FAM13A: variants seen among roughly 807,000 people sequenced by gnomAD.
FAM13A encodes family with sequence similarity 13 member A, also known as protein FAM13A.
In FAM13A, 76 loss-of-function variants were observed where a neutral mutation model predicts 129.6. The ratio of observed to expected loss-of-function variants is 0.59; its 90% CI spans 0.49 to 0.71. The LOEUF (loss-of-function observed/expected upper bound fraction) is 0.71, where lower values mean the gene tolerates loss of function less well. FAM13A is among the 30% of genes least tolerant of loss of function. The pLI is 0.00. For missense variants in FAM13A, 1,108 were observed against 1,249.3 expected (o/e 0.89, Z 1.70); for synonymous variants, 443 against 449.9 (o/e 0.98, Z 0.20).
intron 19 of FAM13A, among the ~76,000 whole-genome samples, chr4:88,741,731 T>C (rs1740306322): frequency 1.3e-5 from 2 of 152,218 alleles, no homozygotes; most frequent in African/African-American, 4.8e-5. Context: ...TTGGAACATT[T>C]TGAATTTCAG....
intron 11 of FAM13A, among the ~76,000 whole-genome samples, chr4:88,780,736 G>T (rs961740294): frequency 6.6e-6 from 1 of 152,018 alleles, no homozygotes; most frequent in Non-Finnish European, 1.5e-5. Flanking sequence ...AACATGAAGA[G>T]ATTTCTGAAC....
At chr4:88,747,188 C>T (rs1741526119) in intron 18 of FAM13A, among the ~76,000 whole-genome samples, 173 bp from the exon 19 acceptor site, 1 of 152,160 alleles carries the variant, frequency 6.6e-6, no homozygotes, top group Non-Finnish European at 1.5e-5. Flanking sequence ...TTGGGAGAAA[C>T]GTGGCCAGCA....
intron 7 of FAM13A, among the ~76,000 whole-genome samples, chr4:88,849,454 T>G (rs1388655902): frequency 6.6e-6 from 1 of 152,240 alleles, no homozygotes; most frequent in Non-Finnish European, 1.5e-5. Context: ...TCGGTTCTTT[T>G]GCATTTGCTA....
At chr4:88,929,655 T>A (rs1579329826) in intron 5 of FAM13A, among the ~76,000 whole-genome samples, 1 of 152,184 alleles carries the variant, frequency 6.6e-6, no homozygotes, top group Admixed American at 6.5e-5. Context: ...AGATTCTTTC[T>A]CCTACTTGGT....
intron 11 of FAM13A, among the ~76,000 whole-genome samples, chr4:88,771,255 A>C (rs1253179425): frequency 2.6e-5 from 4 of 151,644 alleles, no homozygotes; most frequent in Non-Finnish European, 5.9e-5. Context: ...TGTAAATTCT[A>C]ATTTGTATTC....
intron 6 of FAM13A, among the ~76,000 whole-genome samples, chr4:88,902,499 A>G (rs941367954): frequency 6.8e-6 from 1 of 147,932 alleles, no homozygotes; most frequent in Non-Finnish European, 1.5e-5. Flanking sequence ...AGTACTAAAG[A>G]AAAAAAAAAC....
At chr4:88,900,126 G>A (rs562714322) in intron 6 of FAM13A, among the ~76,000 whole-genome samples, 96 of 152,152 alleles carry the variant, frequency 6.3e-4, no homozygotes, top group Non-Finnish European at 1.1e-3. Flanking sequence ...GAGATGCATG[G>A]GATTATGTAA....
At chr4:88,758,417 C>T (rs933857541) in intron 14 of FAM13A, among the ~76,000 whole-genome samples, 1 of 151,848 alleles carries the variant, frequency 6.6e-6, no homozygotes, top group African/African-American at 2.4e-5. Flanking sequence ...CCTAAAAGCA[C>T]ACCGGTTCCC....
intron 4 of FAM13A, among the ~76,000 whole-genome samples, chr4:88,969,364 G>C (rs1759768206): frequency 6.6e-6 from 1 of 152,278 alleles, no homozygotes; most frequent in South Asian, 2.1e-4. Context: ...GCCAATACAG[G>C]ATGAAGAGCT....
At chr4:89,044,337 G>A (rs1770559284) in intron 1 of FAM13A, among the ~76,000 whole-genome samples, 1 of 152,128 alleles carries the variant, frequency 6.6e-6, no homozygotes. Flanking sequence ...CAACATCACT[G>A]GTCTTTAGGG....
At chr4:88,855,059 GA>G (rs1561172144) in intron 6 of FAM13A, among the ~76,000 whole-genome samples, 1 of 152,114 alleles carries the variant, frequency 6.6e-6, no homozygotes, top group African/African-American at 2.4e-5. Flanking sequence ...CATTTGTTCC[GA>G]GGAGTAAGTG....
At chr4:89,054,276 C>G (rs920887442) in intron 1 of FAM13A, among the ~76,000 whole-genome samples, 2 of 134,112 alleles carry the variant, frequency 1.5e-5, no homozygotes, top group East Asian at 4.2e-4. Flanking sequence ...CACACACATA[C>G]AGACACACAA....
At chr4:88,873,629 T>C (rs1329329900) in intron 6 of FAM13A, among the ~76,000 whole-genome samples, 1 of 152,162 alleles carries the variant, frequency 6.6e-6, no homozygotes, top group East Asian at 1.9e-4. Context: ...TAACAGCCTC[T>C]GAAATTGAGG....
chr4:88,845,700 G>A (rs1451433325), intron 7 of FAM13A, among the ~76,000 whole-genome samples: 3 of 152,196 alleles, frequency 2.0e-5, no homozygotes, highest in Admixed American at 2.0e-4. Context: ...ACCCCTGGGG[G>A]AGAAAGGAGT....
intron 6 of FAM13A, among the ~76,000 whole-genome samples, chr4:88,884,153 A>G (rs1182552173): frequency 6.6e-6 from 1 of 152,166 alleles, no homozygotes; most frequent in Admixed American, 6.5e-5. Context: ...TCCCAATATC[A>G]TTTTATGAAG....
At chr4:88,893,011 T>C (rs1745627619) in intron 6 of FAM13A, among the ~76,000 whole-genome samples, 1 of 152,124 alleles carries the variant, frequency 6.6e-6, no homozygotes, top group Non-Finnish European at 1.5e-5. Flanking sequence ...AACAAACTCT[T>C]ACAAATCATT....
chr4:88,732,014 T>C lies in FAM13A; in HGVS notation c.2831A>G (p.His944Arg), dbSNP rs1737932921. The part of the protein sequence containing the change: ...CSQDTGLSNL[H>R]AASIPELLEH... ...CAAAATGACATACATTGAGGCAGCA[T>C]GGAGATTTGAAAGCCCTGTGTCCTG... The change falls in exon 22 of 24, where the codon CAT becomes CGT. Residue 944 changes from histidine (H) to arginine (R), a missense_variant. Physicochemically the swap from His to Arg is conservative, Grantham distance 29 (BLOSUM62 0). This residue lies in a region of FAM13A where 529 missense variants were observed against 621.2 expected (regional missense o/e 0.85). Coordinates refer to ENST00000264344, the MANE Select transcript of FAM13A (RefSeq NM_014883.4). 3 of 1,608,806 alleles carry C rather than the reference T, an allele frequency of 1.9e-6. No individual in the cohort carries two copies. Among genetic ancestry groups the C allele is most frequent in the Non-Finnish European group, 2.5e-6 (3 of 1,176,546 alleles).
At chr4:88,789,286 T>C (rs988979494) in intron 9 of FAM13A, among the ~76,000 whole-genome samples, 2 of 152,206 alleles carry the variant, frequency 1.3e-5, no homozygotes, top group African/African-American at 4.8e-5. Context: ...TCTTTGAAAC[T>C]GACAAAGCTA....
intron 8 of FAM13A, among the ~76,000 whole-genome samples, chr4:88,794,059 C>CT (rs1428188683): frequency 6.6e-6 from 1 of 151,972 alleles, no homozygotes; most frequent in African/African-American, 2.4e-5. Flanking sequence ...ATGTAGCTTG[C>CT]TTTTTACCCT....
Sources: allele counts gnomAD v4.1 joint callset (sites outside exome capture counted in the v4.1 genomes callset), GRCh38; gene constraint gnomAD v4.1.1; regional missense constraint gnomAD v4.1.1; transcripts MANE v1.5; gene names NCBI Gene and HGNC (gene_info 2026-07-23, HGNC 2026-07-21).